Variants in SORCS2 observed in about 807,000 individuals in gnomAD.
The protein encoded by SORCS2 is sortilin related VPS10 domain containing receptor 2.
SORCS2 carries 100 observed loss-of-function variants against 141.6 expected under a neutral mutation model. The observed-to-expected ratio is 0.71, with a 90% CI of 0.60 to 0.83. The LOEUF (loss-of-function observed/expected upper bound fraction) is 0.83, where lower values mean the gene tolerates loss of function less well. Ranked by LOEUF, SORCS2 falls within the 40% of genes least tolerant of loss-of-function variation. The pLI is 0.00. For missense variants in SORCS2, 1,646 were observed against 1,560.2 expected (o/e 1.05, Z -0.93); for synonymous variants, 789 against 676.9 (o/e 1.17, Z -2.57).
At chr4:7,618,776 G>A (rs970569680) in intron 3 of SORCS2, among the ~76,000 whole-genome samples, 1 of 151,944 alleles carries the variant, frequency 6.6e-6, no homozygotes, top group African/African-American at 2.4e-5. Context: ...ATTTGCCGTG[G>A]TTTTTTTCAC....
At chr4:7,635,937 T>C (rs1261841961) in intron 3 of SORCS2, among the ~76,000 whole-genome samples, 2 of 152,200 alleles carry the variant, frequency 1.3e-5, no homozygotes, top group Non-Finnish European at 2.9e-5. Context: ...AAAGAATCTA[T>C]GGGATCACCA....
rs528534779 is a variant in SORCS2, at chr4:7,666,407, G to C, written c.1072-717G>C. 1.3e-4 allele frequency among the ~76,000 whole-genome samples: 20 copies of C among 152,274 alleles called. No individual in the cohort carries two copies. The South Asian group carries it at 1.7e-3, about 13-fold the overall frequency. ...TTCCGTCATTCTCAACAACTGCAGA[G>C]GAAAGCTCTCCCTACCCCAGCCCAG... is the stretch of plus-strand genomic sequence containing the variant. On this transcript the variant is annotated intron_variant, in intron 7 of 26. Transcript: ENST00000507866.
At chr4:7,202,926 C>T (rs7689935) in intron 1 of SORCS2, among the ~76,000 whole-genome samples, 8 of 151,156 alleles carry the variant, frequency 5.3e-5, no homozygotes, top group African/African-American at 1.7e-4. Flanking sequence ...CCCCTATCTA[C>T]GTGCCGGATG....
chr4:7,409,357 G>C (rs1035153169), intron 2 of SORCS2, among the ~76,000 whole-genome samples: 1 of 152,180 alleles, frequency 6.6e-6, no homozygotes, highest in African/African-American at 2.4e-5. Flanking sequence ...TGTGGGGATG[G>C]CAGCCATGGG....
chr4:7,704,931 G>A (rs999873348), intron 14 of SORCS2, among the ~76,000 whole-genome samples: 23 of 152,136 alleles, frequency 1.5e-4, no homozygotes, highest in African/African-American at 4.6e-4. Flanking sequence ...AACGGCTCCT[G>A]CGACCCCGCG....
At chr4:7,403,961 G>GTATATGTATATATATA (rs1724758494) in intron 2 of SORCS2, among the ~76,000 whole-genome samples, 1 of 29,892 alleles carries the variant, frequency 3.3e-5, no homozygotes. Flanking sequence ...CTCCATGTGT[G>GTATATGTATATATATA]TATATATATA....
intron 1 of SORCS2, among the ~76,000 whole-genome samples, chr4:7,380,631 A>G (rs1485703529): frequency 6.6e-6 from 1 of 152,252 alleles, no homozygotes; most frequent in East Asian, 1.9e-4. Flanking sequence ...TGCCTGTGGC[A>G]GCCCCCTCGT....
chr4:7,313,574 C>CT (rs1178442924), intron 1 of SORCS2, among the ~76,000 whole-genome samples: 1 of 152,190 alleles, frequency 6.6e-6, no homozygotes, highest in Non-Finnish European at 1.5e-5. Context: ...AGAAAGACCT[C>CT]TTTGGGCCAT....
rs116412695 is a variant in SORCS2, at chr4:7,477,720, G to A, written c.549-53810G>A. ...GTGAGATGAGATTTCCTGTCCCACT[G>A]CATGGAGCCCAGTGAAGCCGGAGAG... On this transcript the variant is annotated intron_variant, in intron 2 of 26. Coordinates refer to ENST00000507866, the MANE Select transcript of SORCS2 (RefSeq NM_020777.3). Among the ~76,000 whole-genome samples the A allele has an allele frequency of 8.8e-3, 1,342 of 152,318 alleles. 16 individuals carry two copies. The highest frequency in any genetic ancestry group is 0.031 in the African/African-American group (1,284 of 41,566).
chr4:7,515,128 C>T (rs956770127), intron 2 of SORCS2, among the ~76,000 whole-genome samples: 32 of 152,128 alleles, frequency 2.1e-4, no homozygotes, highest in Non-Finnish European at 3.7e-4. Context: ...TGTGTGGGGA[C>T]GCTCCCTGCC....
chr4:7,689,386 C>G, intron 10 of SORCS2, 100 bp from the exon 11 acceptor site: 4 of 1,142,774 alleles, frequency 3.5e-6, no homozygotes, highest in Non-Finnish European at 5.0e-6. Flanking sequence ...CCAGCCTTCT[C>G]TCCCAAAAAG....
At chr4:7,346,353 T>C (rs1254008735) in intron 1 of SORCS2, among the ~76,000 whole-genome samples, 2 of 152,262 alleles carry the variant, frequency 1.3e-5, no homozygotes, top group Admixed American at 1.3e-4. Flanking sequence ...TTCCCAAATT[T>C]CTTTCTAATA....
At chr4:7,358,203 G>C (rs1027148679) in intron 1 of SORCS2, among the ~76,000 whole-genome samples, 2 of 152,224 alleles carry the variant, frequency 1.3e-5, no homozygotes, top group South Asian at 2.1e-4. Flanking sequence ...TGGGTGAACA[G>C]GCCAGCTGGT....
chr4:7,433,538 C>T lies in SORCS2; in HGVS notation c.548+37183C>T, dbSNP rs183960963. The T allele has an allele frequency of 1.5e-5, 24 of 1,609,880 alleles. No homozygotes were observed. Among genetic ancestry groups the T allele is most frequent in the Middle Eastern group, 1.6e-4 (1 of 6,062 alleles). ...ATGTCCTTGAGACTCTCAATGAGCA[C>T]GGGCTCGTACTGGGTGACGAAGTGC... On this transcript the variant is annotated intron_variant, in intron 2 of 26. Transcript: ENST00000507866.
intron 3 of SORCS2, among the ~76,000 whole-genome samples, chr4:7,629,770 C>G (rs186135583): frequency 6.6e-6 from 1 of 152,034 alleles, no homozygotes; most frequent in African/African-American, 2.4e-5. Context: ...CCCACCCTCC[C>G]TCTACTTGGG....
rs1367522205 is a variant in SORCS2 at position 7,193,495 on chromosome 4, C to T, written c.480+369C>T. Among the ~76,000 whole-genome samples the T allele has an allele frequency of 1.3e-5, 2 of 152,188 alleles. No individual in the cohort carries two copies. Among genetic ancestry groups the T allele is most frequent in the Non-Finnish European group, 2.9e-5 (2 of 68,036 alleles). On this transcript the variant is annotated intron_variant, in intron 1 of 26. Coordinates refer to ENST00000507866, the MANE Select transcript of SORCS2 (RefSeq NM_020777.3). This position sits in a 1 kb window ranked among gnomAD's most constrained non-coding sequence, Gnocchi z 4.8. ...CCAGCTCGGCGTTACCTCCCCTGCC[C>T]CCAGACTCCACCAGCTGAGCGTCGC...
chr4:7,654,153 T>TG lies in SORCS2; in HGVS notation c.837dup (p.Lys280GlufsTer25). ...CTAAAGCTCTACGTGTCATCTGACT[T>TG]GGGGAAAAAGTGGACACTTCTGCAA... On this transcript the variant is annotated frameshift_variant, in exon 5 of 27. Coordinates refer to ENST00000507866, the MANE Select transcript of SORCS2 (RefSeq NM_020777.3). LOFTEE classifies it high-confidence loss of function. The TG allele has an allele frequency of 6.3e-7, 1 of 1,581,816 alleles. No individual in the cohort carries two copies. The highest frequency in any genetic ancestry group is 8.6e-7 in the Non-Finnish European group (1 of 1,162,498).
chr4:7,452,228 C>T (rs1470140338), intron 2 of SORCS2, among the ~76,000 whole-genome samples: 2 of 152,094 alleles, frequency 1.3e-5, no homozygotes, highest in African/African-American at 4.8e-5. Flanking sequence ...GCAACCTCTG[C>T]CTCCTATGTT....
At chr4:7,600,617 C>G (rs1291497178) in intron 3 of SORCS2, among the ~76,000 whole-genome samples, 1 of 150,644 alleles carries the variant, frequency 6.6e-6, no homozygotes, top group Non-Finnish European at 1.5e-5. Context: ...GAGGGAATTC[C>G]TAGCCTGGCG....
Sources: gnomAD v4.1 joint callset for allele counts (sites outside exome capture counted in the v4.1 genomes callset) on GRCh38, gnomAD v4.1.1 for gene constraint, Gnocchi (gnomAD v3.1) non-coding constraint, MANE v1.5 for transcripts, NCBI Gene and HGNC (gene_info 2026-07-23, HGNC 2026-07-21) for gene names.